The following RAPGEF2 variants were observed in gnomAD, a reference collection of about 807,000 sequenced individuals.
The protein encoded by RAPGEF2 is Rap guanine nucleotide exchange factor 2, also known as PDZ domain containing guanine nucleotide exchange factor (GEF) 1.
Under a neutral mutation model 186.7 loss-of-function variants are expected in RAPGEF2, and 54 were observed. The ratio of observed to expected loss-of-function variants is 0.29; its 90% CI spans 0.23 to 0.36. The LOEUF is 0.36. Ranked by LOEUF, RAPGEF2 falls within the 10% of genes least tolerant of loss-of-function variation. The probability of loss-of-function intolerance (pLI) is 1.00; values close to 1 mark genes in which losing one functional copy is unlikely to be tolerated. For missense variants in RAPGEF2, 1,532 were observed against 2,045.0 expected (o/e 0.75, Z 4.84); for synonymous variants, 712 against 705.9 (o/e 1.01, Z -0.14).
chr4:159,241,117 T>C, intron 5 of RAPGEF2, 84 bp from the exon 6 acceptor site: 1 of 1,121,140 alleles, frequency 8.9e-7, no homozygotes, highest in Admixed American at 3.0e-5. Context: ...TGAATATGGG[T>C]TATCTGTAAG....
At chr4:159,354,176 T>C (rs1290885951) in intron 28 of RAPGEF2, 130 bp downstream of exon 28, 26 of 1,030,166 alleles carry the variant, frequency 2.5e-5, no homozygotes, top group Non-Finnish European at 3.0e-5. Flanking sequence ...GACTTCCAAA[T>C]TAGTGGTGTG....
intron 1 of RAPGEF2, among the ~76,000 whole-genome samples, chr4:159,111,376 A>G (rs569700077): frequency 6.6e-6 from 1 of 152,354 alleles, no homozygotes; most frequent in South Asian, 2.1e-4. Flanking sequence ...ACAGGTTGAA[A>G]ATAATGGACT....
chr4:159,296,964 A>G (rs1762097528), intron 7 of RAPGEF2, among the ~76,000 whole-genome samples: 1 of 152,090 alleles, frequency 6.6e-6, no homozygotes, highest in Non-Finnish European at 1.5e-5. Context: ...CCAGTTCACT[A>G]ATATTGATTA....
At chr4:159,231,448 A>G (rs971817817) in intron 4 of RAPGEF2, among the ~76,000 whole-genome samples, 9 of 152,112 alleles carry the variant, frequency 5.9e-5, no homozygotes, top group Non-Finnish European at 8.8e-5. Flanking sequence ...AATTTAAACA[A>G]AAGTTTCTCA....
At chr4:159,117,582 G>GA (rs1739181992) in intron 1 of RAPGEF2, among the ~76,000 whole-genome samples, 1 of 150,168 alleles carries the variant, frequency 6.7e-6, no homozygotes, top group African/African-American at 2.5e-5. Flanking sequence ...GCGATGGTTG[G>GA]GTTTTTTTTT....
chr4:159,188,495 C>A (rs1747777542), intron 2 of RAPGEF2, among the ~76,000 whole-genome samples: 1 of 151,828 alleles, frequency 6.6e-6, no homozygotes, highest in African/African-American at 2.4e-5. Flanking sequence ...GAAACCCCAT[C>A]TCTACTAAAA....
intron 29 of RAPGEF2, among the ~76,000 whole-genome samples, chr4:159,356,920 G>T (rs1732108643): frequency 6.6e-6 from 1 of 152,134 alleles, no homozygotes; most frequent in Non-Finnish European, 1.5e-5. Context: ...AAAAGAAAAT[G>T]AAAATTTCAC....
rs1737357415 is a variant in RAPGEF2, at chr4:159,103,127, G to A, written c.-1036G>A. On this transcript the variant is annotated 5_prime_UTR_variant, in exon 1 of 30. Coordinates refer to ENST00000691494, the MANE Select transcript of RAPGEF2 (RefSeq NM_001394067.2). ...GAAGGCGCAGGAGGAGGAAGAGGCG[G>A]AGGAAGAGGAGGGGAATCGCCGCTT... 6.6e-6 allele frequency: 1 copy of A among 152,330 alleles called. No homozygotes were observed. Among genetic ancestry groups the A allele is most frequent in the Non-Finnish European group, 1.5e-5 (1 of 68,394 alleles). The allele number at this position is 152,330 out of a possible 1,614,324, so 9.4% of individuals were successfully genotyped here.
At chr4:159,233,099 C>G (rs891651118) in intron 4 of RAPGEF2, among the ~76,000 whole-genome samples, 1 of 152,098 alleles carries the variant, frequency 6.6e-6, no homozygotes, top group Non-Finnish European at 1.5e-5. Flanking sequence ...TTCTCTTATT[C>G]TGCAGGTTGC....
At chr4:159,211,950 A>C (rs1438794359) in intron 4 of RAPGEF2, among the ~76,000 whole-genome samples, 2 of 152,182 alleles carry the variant, frequency 1.3e-5, no homozygotes, top group Non-Finnish European at 2.9e-5. Flanking sequence ...AGTAAAAATA[A>C]TAGTAATAAA....
At chr4:159,321,840 TATC>T (rs1381906013) in intron 9 of RAPGEF2, among the ~76,000 whole-genome samples, 5 of 152,222 alleles carry the variant, frequency 3.3e-5, no homozygotes, top group African/African-American at 1.2e-4. Context: ...TCATTTATCA[TATC>T]ATGTCGTTAA....
At chr4:159,151,961 G>A (rs1354978406) in intron 1 of RAPGEF2, among the ~76,000 whole-genome samples, 2 of 152,172 alleles carry the variant, frequency 1.3e-5, no homozygotes, top group Non-Finnish European at 2.9e-5. Context: ...TGAGGAGCAA[G>A]AATAAGTGTG....
chr4:159,315,215 A>T (rs1764419973), intron 9 of RAPGEF2, among the ~76,000 whole-genome samples: 1 of 152,086 alleles, frequency 6.6e-6, no homozygotes, highest in Non-Finnish European at 1.5e-5. Context: ...GGGTGGAAGG[A>T]GACAGCAAAA....
chr4:159,202,711 C>T (rs555327890), intron 3 of RAPGEF2, among the ~76,000 whole-genome samples: 8 of 152,290 alleles, frequency 5.3e-5, no homozygotes, highest in Non-Finnish European at 8.8e-5. Flanking sequence ...AAGCGATTCT[C>T]TTGCCTCAGC....
chr4:159,209,132 TC>T (rs940443290), intron 3 of RAPGEF2, among the ~76,000 whole-genome samples: 1 of 142,360 alleles, frequency 7.0e-6, no homozygotes, highest in African/African-American at 2.7e-5. Context: ...CCTCAGGTGA[TC>T]CGCCTGCCTG....
intron 17 of RAPGEF2, among the ~76,000 whole-genome samples, chr4:159,338,022 CA>C (rs1767710708): frequency 6.6e-6 from 1 of 151,540 alleles, no homozygotes; most frequent in Non-Finnish European, 1.5e-5. Context: ...TGGGAGGCCA[CA>C]GCAGGAGGAT....
chr4:159,262,348 G>C, intron 7 of RAPGEF2, among the ~76,000 whole-genome samples: 1 of 152,286 alleles, frequency 6.6e-6, no homozygotes, highest in South Asian at 2.1e-4. Flanking sequence ...AGTCAAATTA[G>C]TAATAAAGAT....
intron 1 of RAPGEF2, among the ~76,000 whole-genome samples, chr4:159,141,606 T>A (rs1056232262): frequency 2.6e-5 from 4 of 151,754 alleles, no homozygotes; most frequent in Non-Finnish European, 5.9e-5. Context: ...TTATATATAT[T>A]TTTTAACATT....
At chr4:159,338,192 G>A (rs1767738080) in intron 17 of RAPGEF2, 119 bp from the exon 18 acceptor site, 2 of 843,948 alleles carry the variant, frequency 2.4e-6, no homozygotes, top group Non-Finnish European at 3.5e-6. Flanking sequence ...TATTAATGGT[G>A]TTTTTACATG....
Sources: allele counts gnomAD v4.1 joint callset (sites outside exome capture counted in the v4.1 genomes callset), GRCh38; gene constraint gnomAD v4.1.1; transcripts MANE v1.5; gene names NCBI Gene and HGNC (gene_info 2026-07-23, HGNC 2026-07-21).